Variants in PDZRN4 observed in about 807,000 individuals in gnomAD.
The protein encoded by PDZRN4 is PDZ domain containing ring finger 4, also known as PDZ domain-containing RING finger protein 4.
In PDZRN4, 70 loss-of-function variants were observed where a neutral mutation model predicts 99.0. The ratio of observed to expected loss-of-function variants is 0.71; its 90% CI spans 0.58 to 0.86. The LOEUF is 0.86. Ranked by LOEUF, PDZRN4 falls within the 40% of genes least tolerant of loss-of-function variation. The pLI is 0.00. For synonymous variants in PDZRN4, 551 were observed against 501.6 expected (o/e 1.10, Z -1.32); for missense variants, 1,474 against 1,331.2 (o/e 1.11, Z -1.67).
chr12:41,398,826 T>C (rs930905), intron 3 of PDZRN4, among the ~76,000 whole-genome samples: 79,960 of 151,980 alleles, frequency 0.53, 21,824 homozygotes, highest in African/African-American at 0.7. Context: ...GTCTAATGCA[T>C]ACTAGGTGCT....
chr12:41,212,063 C>T (rs1419523271), intron 3 of PDZRN4, among the ~76,000 whole-genome samples: 1 of 151,936 alleles, frequency 6.6e-6, no homozygotes, highest in Non-Finnish European at 1.5e-5. Flanking sequence ...GGCCCTGTAC[C>T]TGTCAGCCTA....
chr12:41,526,231 G>T (rs955475727), intron 5 of PDZRN4, among the ~76,000 whole-genome samples: 11 of 152,152 alleles, frequency 7.2e-5, no homozygotes, highest in Admixed American at 6.5e-4. Flanking sequence ...CTATGGGGAG[G>T]CTTAAGAGAG....
chr12:41,401,517 T>C (rs1952288339), intron 3 of PDZRN4, among the ~76,000 whole-genome samples: 1 of 152,178 alleles, frequency 6.6e-6, no homozygotes. Flanking sequence ...AACCTCAGAA[T>C]CTTCCTCAGT....
At chr12:41,548,274 A>G (rs1938992222) in intron 5 of PDZRN4, among the ~76,000 whole-genome samples, 1 of 152,220 alleles carries the variant, frequency 6.6e-6, no homozygotes, top group Non-Finnish European at 1.5e-5. Context: ...ATATTTTTAT[A>G]ATAGACTATC....
Position 41,573,404 on chromosome 12 carries a change from G to T in PDZRN4, c.2625G>T (p.Met875Ile). 1.2e-6 allele frequency: 2 copies of T among 1,613,610 alleles called. No individual in the cohort carries two copies. The highest frequency in any genetic ancestry group is 1.7e-6 in the Non-Finnish European group (2 of 1,179,998). Reference protein sequence around the residue: ...YAQSQLSLVSMCKESQKCSEP... With the variant: ...YAQSQLSLVSICKESQKCSEP... ...AGAGTCAGCTCAGCTTGGTGAGCAT[G>T]TGCAAGGAGTCTCAGAAGTGTTCAG... The change falls in exon 10 of 10, where the codon ATG becomes ATT. Residue 875 changes from methionine (M) to isoleucine (I), a missense_variant. Coordinates refer to ENST00000402685, the MANE Select transcript of PDZRN4 (RefSeq NM_001164595.2).
At chr12:41,474,634 G>A (rs1009584542) in intron 3 of PDZRN4, among the ~76,000 whole-genome samples, 3 of 152,144 alleles carry the variant, frequency 2.0e-5, no homozygotes, top group African/African-American at 4.8e-5. Context: ...GTTTTGAGCA[G>A]GATAATCATC....
rs557908481 is a variant in PDZRN4 at position 41,285,751 on chromosome 12, A to G, written c.843+91563A>G. Among the ~76,000 whole-genome samples, 110 of 152,194 alleles carry G rather than the reference A, an allele frequency of 7.2e-4. 1 individual carries two copies. Among genetic ancestry groups the G allele is most frequent in the Non-Finnish European group, 1.3e-3 (88 of 68,022 alleles). On this transcript the variant is annotated intron_variant, in intron 3 of 9. Transcript: ENST00000402685. The stretch of plus-strand genomic sequence containing the variant: ...TCATTCTCAGCAAACTAACACAAGA[A>G]CAGAAAACCAAACACCGCATGTTCT...
intron 3 of PDZRN4, among the ~76,000 whole-genome samples, chr12:41,328,772 A>G (rs1951725537): frequency 6.6e-6 from 1 of 152,118 alleles, no homozygotes; most frequent in South Asian, 2.1e-4. Flanking sequence ...GACTCAAAAC[A>G]AACAAGTCTT....
intron 3 of PDZRN4, among the ~76,000 whole-genome samples, chr12:41,482,335 T>C (rs978689107): frequency 3.3e-5 from 5 of 152,180 alleles, no homozygotes; most frequent in Non-Finnish European, 7.4e-5. Flanking sequence ...TGTATATGCT[T>C]GTAGCTATCA....
intron 6 of PDZRN4, among the ~76,000 whole-genome samples, chr12:41,554,314 AG>A (rs1939107791): frequency 6.6e-6 from 1 of 152,200 alleles, no homozygotes; most frequent in African/African-American, 2.4e-5. Context: ...ACTTCCTTCT[AG>A]TAAGTCTCTA....
chr12:41,573,672 C>G lies in PDZRN4; in HGVS notation c.2893C>G (p.Arg965Gly). Residue 965 changes from arginine to glycine, a missense_variant, in exon 10 of 10, where the codon CGA (arginine) becomes GGA (glycine). Transcript: ENST00000402685. ...EQRRRREFMM[R>G]SRLECLKESP... is the part of the protein sequence containing the mutation. ...GCGCCGTCGCCGTGAGTTCATGATG[C>G]GAAGCAGGTTAGAGTGTCTCAAGGA... is the stretch of plus-strand genomic sequence containing the variant. 6.2e-7 allele frequency: 1 copy of G among 1,613,888 alleles called. No homozygotes were observed.
intron 3 of PDZRN4, among the ~76,000 whole-genome samples, chr12:41,502,611 C>T (rs1051715502): frequency 6.6e-6 from 1 of 152,144 alleles, no homozygotes; most frequent in African/African-American, 2.4e-5. Flanking sequence ...TTTTACTGGA[C>T]ACCCAGAAAT....
chr12:41,505,485 A>T (rs1049639727), intron 3 of PDZRN4, among the ~76,000 whole-genome samples: 2 of 152,152 alleles, frequency 1.3e-5, no homozygotes, highest in African/African-American at 4.8e-5. Flanking sequence ...AATATTTGAG[A>T]GTGGTCTGTT....
At chr12:41,245,200 G>A (rs1003831893) in intron 3 of PDZRN4, among the ~76,000 whole-genome samples, 1 of 151,966 alleles carries the variant, frequency 6.6e-6, no homozygotes, top group Non-Finnish European at 1.5e-5. Flanking sequence ...ACACTTCCCC[G>A]AGCAAAAGAT....
At chr12:41,500,628 A>G (rs180888752) in intron 3 of PDZRN4, among the ~76,000 whole-genome samples, 1 of 152,122 alleles carries the variant, frequency 6.6e-6, no homozygotes, top group East Asian at 1.9e-4. Flanking sequence ...TCCTTCATAC[A>G]ATTTTGCAGA....
intron 3 of PDZRN4, among the ~76,000 whole-genome samples, chr12:41,451,109 A>G (rs1592064237): frequency 6.6e-6 from 1 of 152,106 alleles, no homozygotes; most frequent in South Asian, 2.1e-4. Flanking sequence ...GAATTGAGAG[A>G]AAGTCAGACC....
chr12:41,540,978 G>A (rs1027172936), intron 5 of PDZRN4, among the ~76,000 whole-genome samples: 1 of 152,032 alleles, frequency 6.6e-6, no homozygotes, highest in Non-Finnish European at 1.5e-5. Flanking sequence ...AGCCTGGAGT[G>A]CAGTGGTGTG....
chr12:41,487,382 C>T (rs968222729), intron 3 of PDZRN4, among the ~76,000 whole-genome samples: 1 of 152,098 alleles, frequency 6.6e-6, no homozygotes, highest in Non-Finnish European at 1.5e-5. Context: ...AGGAGCATAA[C>T]ATTGCACACT....
chr12:41,478,853 T>A (rs1394160830), intron 3 of PDZRN4, among the ~76,000 whole-genome samples: 1 of 152,130 alleles, frequency 6.6e-6, no homozygotes, highest in African/African-American at 2.4e-5. Flanking sequence ...TAATGTTTGA[T>A]AAACTCTGTT....
Sources: allele counts gnomAD v4.1 joint callset (sites outside exome capture counted in the v4.1 genomes callset), GRCh38; gene constraint gnomAD v4.1.1; transcripts MANE v1.5; gene names NCBI Gene and HGNC (gene_info 2026-07-23, HGNC 2026-07-21).